SDK1: variants seen among roughly 807,000 people sequenced by gnomAD.
The protein encoded by SDK1 is sidekick cell adhesion molecule 1.
SDK1 carries 157 observed loss-of-function variants against 245.5 expected under a neutral mutation model. The ratio of observed to expected loss-of-function variants is 0.64; its 90% CI spans 0.56 to 0.73. The LOEUF (loss-of-function observed/expected upper bound fraction) is 0.73, where lower values mean the gene tolerates loss of function less well. SDK1 is among the 30% of genes least tolerant of loss of function. The probability of loss-of-function intolerance (pLI) is 0.00; values close to 1 mark genes in which losing one functional copy is unlikely to be tolerated. For synonymous variants in SDK1, 1,647 were observed against 1,278.5 expected (o/e 1.29, Z -6.15); for missense variants, 3,583 against 3,002.3 (o/e 1.19, Z -4.52).
intron 1 of SDK1, among the ~76,000 whole-genome samples, chr7:3,378,058 C>T (rs1781397582): frequency 6.6e-6 from 1 of 152,162 alleles, no homozygotes; most frequent in African/African-American, 2.4e-5. Context: ...GGATTACAGG[C>T]ATGAACCACT....
intron 1 of SDK1, among the ~76,000 whole-genome samples, chr7:3,459,381 T>C (rs146425041): frequency 1.1e-3 from 160 of 152,342 alleles, no homozygotes; most frequent in African/African-American, 3.6e-3. Flanking sequence ...GTTTATGTAT[T>C]AGTTTTTAAC....
At chr7:3,914,458 C>G (rs1779296562) in intron 5 of SDK1, among the ~76,000 whole-genome samples, 1 of 152,170 alleles carries the variant, frequency 6.6e-6, no homozygotes, top group Admixed American at 6.5e-5. Flanking sequence ...AATGAGAAAA[C>G]CTAAGATTAA....
chr7:3,733,905 G>A (rs1779249052), intron 4 of SDK1, among the ~76,000 whole-genome samples: 1 of 150,804 alleles, frequency 6.6e-6, no homozygotes, highest in Admixed American at 6.6e-5. Context: ...TCTGGAGTCT[G>A]CCCAGAGCTA....
intron 5 of SDK1, among the ~76,000 whole-genome samples, chr7:3,912,448 G>A (rs1273996360): frequency 1.3e-5 from 2 of 152,234 alleles, no homozygotes; most frequent in African/African-American, 4.8e-5. Flanking sequence ...GCCACAGAGT[G>A]TGGTTCAAGA....
In SDK1 at chr7:4,009,968, G is replaced by A. The variant is rs370719891; in HGVS notation, c.2132-998G>A. On this transcript the variant is annotated intron_variant, in intron 14 of 44. Transcript: ENST00000404826. The stretch of plus-strand genomic sequence containing the variant: ...GGATTTTATGTGTGGATGCTGACAC[G>A]CAGCTGGTACTGTCTGCAGGCTCTG... 3.8e-3 allele frequency among the ~76,000 whole-genome samples: 572 copies of A among 152,330 alleles called. 6 individuals carry two copies. In the South Asian group the frequency reaches 0.04, roughly 11 times the overall value.
At chr7:3,394,562 C>G (rs1189767307) in intron 1 of SDK1, among the ~76,000 whole-genome samples, 1 of 151,750 alleles carries the variant, frequency 6.6e-6, no homozygotes, top group Non-Finnish European at 1.5e-5. Context: ...GGGAATAAGC[C>G]TCCTGGAATT....
At chr7:3,380,163 A>G (rs1215039326) in intron 1 of SDK1, among the ~76,000 whole-genome samples, 3 of 152,092 alleles carry the variant, frequency 2.0e-5, no homozygotes, top group Non-Finnish European at 1.5e-5. Flanking sequence ...TCCTAAAATG[A>G]TGTTTATCTT....
intron 5 of SDK1, among the ~76,000 whole-genome samples, chr7:3,941,068 C>G (rs756720985): frequency 9.2e-5 from 14 of 152,078 alleles, no homozygotes; most frequent in Non-Finnish European, 1.3e-4. Flanking sequence ...AGACCCCCGT[C>G]TGTCTCCTGA....
intron 5 of SDK1, among the ~76,000 whole-genome samples, chr7:3,878,535 G>GAAAT (rs541536259): frequency 2.1e-4 from 32 of 152,110 alleles, no homozygotes; most frequent in Non-Finnish European, 3.7e-4. Flanking sequence ...AAAATAAAAT[G>GAAAT]AAATAAATAA....
intron 1 of SDK1, among the ~76,000 whole-genome samples, chr7:3,425,466 A>G (rs537747522): frequency 6.6e-6 from 1 of 152,306 alleles, no homozygotes; most frequent in South Asian, 2.1e-4. Context: ...AATAACTAAA[A>G]TATAACTTAA....
At chr7:4,078,882 C>G (rs1780873176) in intron 21 of SDK1, among the ~76,000 whole-genome samples, 1 of 152,164 alleles carries the variant, frequency 6.6e-6, no homozygotes, top group Middle Eastern at 3.2e-3. Context: ...GAGTTCTGCA[C>G]TTGCACGAGA....
intron 1 of SDK1, among the ~76,000 whole-genome samples, chr7:3,548,036 A>C (rs1457092121): frequency 6.6e-6 from 1 of 152,238 alleles, no homozygotes; most frequent in Non-Finnish European, 1.5e-5. Context: ...AAATAAATCC[A>C]AGAATTTGTC....
At chr7:3,588,283 C>G (rs1302409569) in intron 1 of SDK1, among the ~76,000 whole-genome samples, 1 of 152,120 alleles carries the variant, frequency 6.6e-6, no homozygotes, top group Non-Finnish European at 1.5e-5. Context: ...AGATTAATAA[C>G]GTTATATTTT....
Position 3,798,894 on chromosome 7 carries a change from G to C in SDK1, c.714-22556G>C, listed in dbSNP as rs559290854. ...TGCACATACTCTGCTTTTCTTTGAA[G>C]TTGTGCCCACTAATTTTAGCGTTCA... On this transcript the variant is annotated intron_variant, in intron 4 of 44. Coordinates refer to ENST00000404826, the MANE Select transcript of SDK1 (RefSeq NM_152744.4). Among the ~76,000 whole-genome samples the C allele has an allele frequency of 2.8e-3, 428 of 152,318 alleles. 3 individuals are homozygous for C. The highest frequency in any genetic ancestry group is 0.01 in the African/African-American group (417 of 41,570).
intron 4 of SDK1, among the ~76,000 whole-genome samples, chr7:3,739,811 T>C (rs1475019476): frequency 1.3e-5 from 2 of 152,182 alleles, no homozygotes; most frequent in African/African-American, 4.8e-5. Context: ...CTCCATACCT[T>C]CCTATTTCTT....
At chr7:3,687,458 C>G (rs999718757) in intron 4 of SDK1, among the ~76,000 whole-genome samples, 1 of 152,192 alleles carries the variant, frequency 6.6e-6, no homozygotes, top group East Asian at 1.9e-4. Context: ...TCACCCCAAA[C>G]TGAAAACATC....
chr7:4,078,824 T>G (rs549205601), intron 21 of SDK1, among the ~76,000 whole-genome samples: 34 of 152,248 alleles, frequency 2.2e-4, no homozygotes, highest in Non-Finnish European at 4.3e-4. Flanking sequence ...GAACCCACCT[T>G]CCACCTTATC....
At chr7:3,878,672 A>T (rs1215635364) in intron 5 of SDK1, among the ~76,000 whole-genome samples, 1 of 152,196 alleles carries the variant, frequency 6.6e-6, no homozygotes, top group Non-Finnish European at 1.5e-5. Flanking sequence ...TAGATGAGCA[A>T]AGTTAGATCA....
intron 5 of SDK1, among the ~76,000 whole-genome samples, chr7:3,938,026 G>T (rs1015195202): frequency 1.3e-5 from 2 of 152,002 alleles, no homozygotes; most frequent in Non-Finnish European, 2.9e-5. Flanking sequence ...TAGTAGAAAC[G>T]GGATTTCACC....
Sources: allele counts gnomAD v4.1 joint callset (sites outside exome capture counted in the v4.1 genomes callset), GRCh38; gene constraint gnomAD v4.1.1; transcripts MANE v1.5; gene names NCBI Gene and HGNC (gene_info 2026-07-23, HGNC 2026-07-21).